VPS13B: variants seen among roughly 807,000 people sequenced by gnomAD.
VPS13B encodes the protein vacuolar protein sorting 13 homolog B, also known as intermembrane lipid transfer protein VPS13B.
In VPS13B, 285 loss-of-function variants were observed where a neutral mutation model predicts 426.4. The observed-to-expected ratio is 0.67, with a 90% CI of 0.61 to 0.74. The LOEUF is 0.74. Among genes scored for constraint, VPS13B ranks in the 30% least tolerant of loss-of-function variants. VPS13B has a pLI of 0.00. For synonymous variants in VPS13B, 1,676 were observed against 1,676.4 expected, an observed-to-expected ratio of 1.00 and a Z score of 0.01; for missense variants, 4,537 against 4,782.6, an observed-to-expected ratio of 0.95 and a Z score of 1.51.
intron 17 of VPS13B, among the ~76,000 whole-genome samples, chr8:99,213,410 G>A (rs1815213293): frequency 6.6e-6 from 1 of 151,850 alleles, no homozygotes; most frequent in Admixed American, 6.6e-5. Context: ...ACAAAAATTG[G>A]GTTAATATTA....
chr8:99,848,647 A>T, intron 54 of VPS13B, 129 bp from the exon 55 acceptor site: 2 of 887,352 alleles, frequency 2.3e-6, no homozygotes, highest in South Asian at 2.7e-5. Flanking sequence ...GCCCGTACAC[A>T]TGGATATAAA....
At chr8:99,850,385 A>G (rs112362621) in intron 55 of VPS13B, among the ~76,000 whole-genome samples, 2 of 146,968 alleles carry the variant, frequency 1.4e-5, no homozygotes, top group African/African-American at 5.3e-5. Context: ...TTATACATAC[A>G]TACATAAGTA....
chr8:99,205,829 T>G (rs1426500667), intron 17 of VPS13B, among the ~76,000 whole-genome samples: 1 of 152,216 alleles, frequency 6.6e-6, no homozygotes, highest in East Asian at 1.9e-4. Context: ...AGCCAGGCCT[T>G]TGGAATTTTC....
At chr8:99,289,341 A>T (rs1819609368) in intron 19 of VPS13B, among the ~76,000 whole-genome samples, 1 of 152,130 alleles carries the variant, frequency 6.6e-6, no homozygotes, top group Non-Finnish European at 1.5e-5. Flanking sequence ...ACACTATCAA[A>T]GTATTTTTCA....
At chr8:99,845,097 A>G (rs989043457) in intron 54 of VPS13B, among the ~76,000 whole-genome samples, 7 of 152,186 alleles carry the variant, frequency 4.6e-5, no homozygotes, top group Middle Eastern at 3.2e-3. Context: ...ATAGCTTTCA[A>G]TATCGATTTC....
At position 99,035,434 on chromosome 8, in the gene VPS13B, G is replaced by A. The variant is rs764513426; in HGVS notation, c.148-2989G>A. On this transcript the variant is annotated intron_variant, in intron 2 of 61. Transcript: ENST00000357162. Reference sequence around the variant, plus strand: ...GGAATCATACAGTATTTATCTTTTCGTAACTGGCTTATTTTATTTACCATA... The same window carrying A: ...GGAATCATACAGTATTTATCTTTTCATAACTGGCTTATTTTATTTACCATA... Among the ~76,000 whole-genome samples the A allele has an allele frequency of 8.6e-5, 13 of 151,942 alleles. 1 individual carries two copies. Among genetic ancestry groups the A allele is most frequent in the South Asian group, 4.1e-4 (2 of 4,828 alleles).
chr8:99,528,893 A>G lies in VPS13B; in HGVS notation c.4745+7883A>G, dbSNP rs1822781961. 2.0e-5 allele frequency among the ~76,000 whole-genome samples: 3 copies of G among 152,172 alleles called. No homozygotes were observed. The South Asian group carries it at 6.2e-4, about 32-fold the overall frequency. ...TACATTACCTTTTCAGTACATTTTAATTGGTCTTTTTTGCAAATTCTGTTT... is the reference window on the plus strand; with the variant it reads ...TACATTACCTTTTCAGTACATTTTAGTTGGTCTTTTTTGCAAATTCTGTTT... On this transcript the variant is annotated intron_variant, in intron 30 of 61. Transcript: ENST00000357162.
At chr8:99,804,998 C>G (rs975466690) in intron 43 of VPS13B, among the ~76,000 whole-genome samples, 1 of 151,160 alleles carries the variant, frequency 6.6e-6, no homozygotes, top group Non-Finnish European at 1.5e-5. Context: ...GACTCTATCT[C>G]TAAAACATAA....
intron 16 of VPS13B, 46 bp downstream of exon 16, chr8:99,170,209 T>C: frequency 6.2e-7 from 1 of 1,602,432 alleles, no homozygotes; most frequent in Non-Finnish European, 8.5e-7. Flanking sequence ...TTTCCATTTA[T>C]TAGGAGGGAA....
At chr8:99,753,262 A>G (rs1366912984) in intron 39 of VPS13B, among the ~76,000 whole-genome samples, 1 of 152,136 alleles carries the variant, frequency 6.6e-6, no homozygotes, top group Non-Finnish European at 1.5e-5. Flanking sequence ...ATCTTCCTAA[A>G]TTTTTGTGGG....
At chr8:99,862,048 G>A in intron 58 of VPS13B, 102 bp downstream of exon 58, 1 of 1,369,756 alleles carries the variant, frequency 7.3e-7, no homozygotes, top group Non-Finnish European at 9.8e-7. Context: ...GAATGACCAG[G>A]AAATGCTCAG....
At chr8:99,635,145 C>T (rs913784513) in intron 33 of VPS13B, among the ~76,000 whole-genome samples, 3 of 151,870 alleles carry the variant, frequency 2.0e-5, no homozygotes, top group Admixed American at 6.6e-5. Flanking sequence ...TAAAAATTCT[C>T]CTTTGTAATC....
intron 19 of VPS13B, among the ~76,000 whole-genome samples, chr8:99,286,030 C>T (rs1819421789): frequency 6.6e-6 from 1 of 152,152 alleles, no homozygotes; most frequent in Non-Finnish European, 1.5e-5. Flanking sequence ...CCATCCCTTT[C>T]CTCTCCCCTC....
rs370575091 is a variant in VPS13B, at chr8:99,870,906, G to A, written c.11495+19G>A. 3.0e-4 allele frequency: 481 copies of A among 1,608,260 alleles called. 4 individuals carry two copies. The African/African-American group carries it at 3.5e-3, about 12-fold the overall frequency. On this transcript the variant is annotated intron_variant, in intron 60 of 61. Coordinates refer to ENST00000357162, the MANE Select transcript of VPS13B (RefSeq NM_152564.5). ...ATGTCTGGTAAAATTATTGAGATACGTGCTCAACTTTACATCCATATTGTA... is the reference window on the plus strand; with the variant it reads ...ATGTCTGGTAAAATTATTGAGATACATGCTCAACTTTACATCCATATTGTA...
intron 31 of VPS13B, among the ~76,000 whole-genome samples, chr8:99,564,012 GC>G (rs887316163): frequency 4.6e-5 from 7 of 152,136 alleles, no homozygotes; most frequent in African/African-American, 1.7e-4. Context: ...ATATTAAATG[GC>G]AACCTTTATA....
chr8:99,050,780 G>A (rs1370675794), intron 3 of VPS13B, among the ~76,000 whole-genome samples: 8 of 152,318 alleles, frequency 5.3e-5, no homozygotes, highest in African/African-American at 1.9e-4. Flanking sequence ...TTCTCTGATG[G>A]CCAGTGATGA....
chr8:99,023,678 A>G (rs1219142836), intron 2 of VPS13B, among the ~76,000 whole-genome samples: 1 of 151,510 alleles, frequency 6.6e-6, no homozygotes, highest in African/African-American at 2.4e-5. Flanking sequence ...ACAGGGTTTC[A>G]CCATATTGGC....
chr8:99,698,854 CAA>C (rs1832145772), intron 35 of VPS13B, among the ~76,000 whole-genome samples: 1 of 152,054 alleles, frequency 6.6e-6, no homozygotes, highest in African/African-American at 2.4e-5. Flanking sequence ...AAGTAAGAGA[CAA>C]ATAAGGACAA....
At chr8:99,702,587 A>G (rs1832328195) in intron 36 of VPS13B, among the ~76,000 whole-genome samples, 1 of 152,032 alleles carries the variant, frequency 6.6e-6, no homozygotes, top group Non-Finnish European at 1.5e-5. Flanking sequence ...AATCTGCATA[A>G]CTCCCCAATG....
Sources: allele counts gnomAD v4.1 joint callset (sites outside exome capture counted in the v4.1 genomes callset), GRCh38; gene constraint gnomAD v4.1.1; transcripts MANE v1.5; gene names NCBI Gene and HGNC (gene_info 2026-07-23, HGNC 2026-07-21).